Variants in CHST7 observed in about 807,000 individuals in gnomAD.
CHST7 encodes the protein carbohydrate sulfotransferase 7, also known as N-acetylglucosamine 6-O-sulfotransferase 4.
Under a neutral mutation model 9.0 loss-of-function variants are expected in CHST7, and 5 were observed. That is an observed-to-expected ratio of 0.56 (90% confidence interval 0.29 to 1.17). The LOEUF is 1.17. CHST7 is among the 50% of genes most tolerant of loss of function. CHST7 has a pLI of 0.08. For missense variants in CHST7, 377 were observed against 485.1 expected (o/e 0.78, Z 2.09); for synonymous variants, 244 against 237.1 (o/e 1.03, Z -0.27).
chrX:46,584,123 A>G (rs1942537517), intron 1 of CHST7, among the ~76,000 whole-genome samples: 1 of 112,352 alleles, frequency 8.9e-6, no homozygotes, highest in South Asian at 3.7e-4. Flanking sequence ...CTGTGCCAGC[A>G]GATTCCCCTC....
chrX:46,597,421 C>T (rs1942599874), intron 1 of CHST7, among the ~76,000 whole-genome samples: 1 of 111,496 alleles, frequency 9.0e-6, no homozygotes, highest in African/African-American at 3.3e-5. Flanking sequence ...CCTAAAGGTA[C>T]GGTTTCAATC....
At chrX:46,587,513 T>A (rs1272787541) in intron 1 of CHST7, among the ~76,000 whole-genome samples, 1 of 112,261 alleles carries the variant, frequency 8.9e-6, no homozygotes, top group African/African-American at 3.2e-5. Context: ...ATTTTTCAGA[T>A]TAAATGTCTG....
chrX:46,579,062 TC>T, intron 1 of CHST7, among the ~76,000 whole-genome samples: 1 of 111,338 alleles, frequency 9.0e-6, no homozygotes, highest in African/African-American at 3.3e-5. Flanking sequence ...GCTGAGAACC[TC>T]TGGCTCAGAC....
chrX:46,581,519 GCA>G (rs1942525510), intron 1 of CHST7, among the ~76,000 whole-genome samples: 1 of 107,892 alleles, frequency 9.3e-6, no homozygotes, highest in African/African-American at 3.3e-5. Context: ...TCGCGCCACT[GCA>G]CTCTAGCCTG....
chrX:46,578,095 C>T (rs780111476), intron 1 of CHST7, among the ~76,000 whole-genome samples: 1 of 110,132 alleles, frequency 9.1e-6, no homozygotes, highest in Non-Finnish European at 1.9e-5. Context: ...TAGGCCCTTT[C>T]TATCTTTTAC....
At chrX:46,595,080 C>A (rs1942587851) in intron 1 of CHST7, among the ~76,000 whole-genome samples, 1 of 112,366 alleles carries the variant, frequency 8.9e-6, no homozygotes, top group Non-Finnish European at 1.9e-5. Context: ...TTTTACAGTT[C>A]TAAAATTTCT....
At chrX:46,580,293 C>T (rs757352160) in intron 1 of CHST7, among the ~76,000 whole-genome samples, 1 of 111,265 alleles carries the variant, frequency 9.0e-6, no homozygotes, top group South Asian at 3.8e-4. Flanking sequence ...CTCTTGACCT[C>T]GTGATCCACC....
intron 1 of CHST7, among the ~76,000 whole-genome samples, chrX:46,582,078 T>G (rs142882537): frequency 0.015 from 1,683 of 112,097 alleles, 16 homozygotes; most frequent in Non-Finnish European, 0.022. Flanking sequence ...CTTTTTTCAC[T>G]TATTGCTTTG....
intron 1 of CHST7, among the ~76,000 whole-genome samples, chrX:46,577,330 CATCTGGG>C (rs1488995580): frequency 9.1e-6 from 1 of 110,257 alleles, no homozygotes; most frequent in Non-Finnish European, 1.9e-5. Context: ...GCTGCAGGGA[CATCTGGG>C]AGCAAGCTTT....
chrX:46,573,804 G>C lies in CHST7; in HGVS notation c.-128G>C. On this transcript the variant is annotated 5_prime_UTR_variant, in exon 1 of 2. Transcript: ENST00000276055. The stretch of plus-strand genomic sequence containing the variant: ...CTTCCAAGTTTCCCCTTGTGGATGC[G>C]CGGCCCCGCGGCTCTGCTCCTCCCG... The C allele has an allele frequency of 1.0e-6, 1 of 994,562 alleles. No homozygotes were observed. The allele number at this position is 994,562 out of a possible 1,213,427, so 82.0% of individuals were successfully genotyped here.
intron 1 of CHST7, among the ~76,000 whole-genome samples, chrX:46,585,856 G>T (rs1264855219): frequency 9.0e-6 from 1 of 110,943 alleles, no homozygotes; most frequent in South Asian, 3.8e-4. Context: ...AGCGATTCTC[G>T]TGCTTCGGCC....
intron 1 of CHST7, among the ~76,000 whole-genome samples, chrX:46,592,507 T>C (rs1038802155): frequency 3.6e-5 from 4 of 111,843 alleles, no homozygotes; most frequent in Non-Finnish European, 7.5e-5. Flanking sequence ...GGACTACAAG[T>C]GCTCGTCACC....
intron 1 of CHST7, among the ~76,000 whole-genome samples, chrX:46,577,069 G>A (rs754199564): frequency 1.8e-5 from 2 of 110,213 alleles, no homozygotes; most frequent in Non-Finnish European, 3.8e-5. Flanking sequence ...TCCCCTGGGC[G>A]GAATGCTGTG....
In CHST7 at chrX:46,574,948, CTT is replaced by C. The variant is rs1942489687; in HGVS notation, c.1018_1019del (p.Phe340ProfsTer36). 1 of 1,156,885 alleles carries C rather than the reference CTT, an allele frequency of 8.6e-7. No individual in the cohort carries two copies. Among genetic ancestry groups the C allele is most frequent in the South Asian group, 1.9e-5 (1 of 51,715 alleles). On this transcript the variant is annotated frameshift_variant, in exon 1 of 2. Coordinates refer to ENST00000276055, the MANE Select transcript of CHST7 (RefSeq NM_019886.4). LOFTEE classifies it low-confidence loss of function (END_TRUNC). ...TGCCCGCCGCGCCGCGCGCCGATTT[CTT>C]CCTGACCGGTGCGCTCGAGGTGATC... ...ALPAAPRADFFLTGALEVICE... is the reference protein window; with the variant it reads ...ALPAAPRADFXLTGALEVICE...
In CHST7 at chrX:46,573,957, G is replaced by T. The variant is rs753313217; in HGVS notation, c.26G>T (p.Arg9Leu). ...ATGAAGGGCCGGCGGCGGCGACGCC[G>T]AGAGTACTGCAAGTTCGCGCTGCTG... Reference protein sequence around the residue: MKGRRRRRREYCKFALLLV... With the variant: MKGRRRRRLEYCKFALLLV... Residue 9 changes from arginine to leucine, a missense_variant, in exon 1 of 2, where the codon CGA (arginine) becomes CTA (leucine). Physicochemically the swap from Arg to Leu is moderately radical, Grantham distance 102 (BLOSUM62 -2). Around this residue, in one of 3 missense-constraint regions of CHST7, gnomAD observed 239 missense variants for 325.7 expected, o/e 0.73. Transcript: ENST00000276055. The T allele has an allele frequency of 1.4e-5, 16 of 1,154,500 alleles. No homozygotes were observed. Among genetic ancestry groups the T allele is most frequent in the Non-Finnish European group, 1.7e-5 (15 of 872,639 alleles).
chrX:46,576,200 C>T (rs1005208771), intron 1 of CHST7, among the ~76,000 whole-genome samples: 6 of 104,909 alleles, frequency 5.7e-5, no homozygotes, highest in Admixed American at 1.0e-4. Context: ...CCCTTCCCCT[C>T]CTCCTCTCCC....
chrX:46,574,934 C>T lies in CHST7; in HGVS notation c.1003C>T (p.Pro335Ser). ...CCAGTCTCGCGCGCTGCCCGCCGCG[C>T]CGCGCGCCGATTTCTTCCTGACCGG... The part of the protein sequence containing the change: ...GGQSRALPAA[P>S]RADFFLTGAL... The change falls in exon 1 of 2, where the codon CCG becomes TCG. Residue 335 changes from proline to serine, a missense_variant. Coordinates refer to ENST00000276055, the MANE Select transcript of CHST7 (RefSeq NM_019886.4). The T allele has an allele frequency of 8.7e-7, 1 of 1,147,880 alleles. No homozygotes were observed. The highest frequency in any genetic ancestry group is 2.8e-5 in the Admixed American group (1 of 35,724). The allele number at this position is 1,147,880 out of a possible 1,213,427, so 94.6% of individuals were successfully genotyped here.
At position 46,575,307 on chromosome X, in the gene CHST7, A is replaced by G; in HGVS notation, c.1376A>G (p.Tyr459Cys). 2 of 1,105,643 alleles carry G rather than the reference A, an allele frequency of 1.8e-6. No homozygotes were observed. Among genetic ancestry groups the G allele is most frequent in the Non-Finnish European group, 2.4e-6 (2 of 848,190 alleles). 91.1% of individuals were successfully genotyped at this position (1,105,643 alleles called of 1,213,427 possible). Residue 459 changes from tyrosine (Y) to cysteine (C), a missense_variant, in exon 1 of 2, where the codon TAC becomes TGC. Around this residue, in one of 3 missense-constraint regions of CHST7, gnomAD observed 130 missense variants for 134.9 expected, o/e 0.96. Transcript: ENST00000276055. ...ACAPAMRLLA[Y>C]PRSGEEGDAE... ...GCTCCAGCCATGCGTCTGCTCGCCTACCCTCGCAGCGGAGAGGAGGGCGAC... is the reference window on the plus strand; with the variant it reads ...GCTCCAGCCATGCGTCTGCTCGCCTGCCCTCGCAGCGGAGAGGAGGGCGAC...
intron 1 of CHST7, among the ~76,000 whole-genome samples, chrX:46,576,707 T>C (rs767477354): frequency 1.1e-4 from 12 of 111,992 alleles, no homozygotes; most frequent in Admixed American, 1.9e-4. Flanking sequence ...GAGTTAAGTT[T>C]CCATTCATTA....
Sources: allele counts gnomAD v4.1 joint callset (sites outside exome capture counted in the v4.1 genomes callset), GRCh38; gene constraint gnomAD v4.1.1; regional missense constraint gnomAD v4.1.1; transcripts MANE v1.5; gene names NCBI Gene and HGNC (gene_info 2026-07-23, HGNC 2026-07-21).